Variants in SRGAP2 observed in about 807,000 individuals in gnomAD.
SRGAP2 encodes the protein SLIT-ROBO Rho GTPase activating protein 2.
SRGAP2 carries 15 observed loss-of-function variants against 57.2 expected under a neutral mutation model. The ratio of observed to expected loss-of-function variants is 0.26; its 90% CI spans 0.18 to 0.40. SRGAP2 has a LOEUF of 0.40. SRGAP2 is among the 10% of genes least tolerant of loss of function. The probability of loss-of-function intolerance (pLI) is 1.00; values close to 1 mark genes in which losing one functional copy is unlikely to be tolerated. For synonymous variants in SRGAP2, 249 were observed against 248.0 expected, an observed-to-expected ratio of 1.00 and a Z score of -0.04; for missense variants, 520 against 669.6, an observed-to-expected ratio of 0.78 and a Z score of 2.47.
intron 21 of SRGAP2, chr1:206,455,464 T>C: frequency 4.7e-6 from 1 of 213,686 alleles, no homozygotes; most frequent in Non-Finnish European, 9.5e-6. Flanking sequence ...ATTCAGAGTC[T>C]GTGTGTGGCT....
chr1:206,445,940 GTC>G (rs1392347235), intron 17 of SRGAP2, 133 bp from the exon 18 acceptor site: 2 of 634,104 alleles, frequency 3.2e-6, no homozygotes, highest in African/African-American at 3.6e-5. Context: ...TTTCTGGAAA[GTC>G]TCTGACACCC....
intron 19 of SRGAP2, among the ~76,000 whole-genome samples, chr1:206,451,822 G>A (rs1428259721): frequency 1.3e-5 from 2 of 152,216 alleles, no homozygotes; most frequent in Admixed American, 1.3e-4. Context: ...ACCCGAGGCT[G>A]TAGAGAACTA....
chr1:206,307,785 A>T (rs1223138038), intron 3 of SRGAP2, among the ~76,000 whole-genome samples: 22 of 151,996 alleles, frequency 1.4e-4, no homozygotes, highest in Non-Finnish European at 2.6e-4. Flanking sequence ...CCGGAACTCC[A>T]GCTGGCCCGC....
chr1:206,455,254 G>T, intron 21 of SRGAP2: 1 of 580,228 alleles, frequency 1.7e-6, no homozygotes, highest in Non-Finnish European at 3.1e-6. Flanking sequence ...TGCTGTGGAA[G>T]GGTGCTTTAC....
At chr1:206,226,399 C>T (rs1462085429) in intron 2 of SRGAP2, among the ~76,000 whole-genome samples, 1 of 151,986 alleles carries the variant, frequency 6.6e-6, no homozygotes, top group East Asian at 1.9e-4. Context: ...AGAGATTACC[C>T]ACAGTTGGCT....
At chr1:206,450,839 T>G (rs1663208522) in intron 19 of SRGAP2, among the ~76,000 whole-genome samples, 1 of 151,364 alleles carries the variant, frequency 6.6e-6, no homozygotes, top group African/African-American at 2.4e-5. Flanking sequence ...AGCAATTGGG[T>G]GTGGTGGCTC....
intron 2 of SRGAP2, among the ~76,000 whole-genome samples, chr1:206,210,891 GA>G (rs1553302317): frequency 6.6e-6 from 1 of 150,998 alleles, no homozygotes; most frequent in Non-Finnish European, 1.5e-5. Flanking sequence ...TTGCTCAGGG[GA>G]AAAAACAACA....
intron 2 of SRGAP2, among the ~76,000 whole-genome samples, chr1:206,241,124 C>T (rs1456756320): frequency 4.6e-5 from 7 of 152,158 alleles, no homozygotes; most frequent in Admixed American, 1.3e-4. Context: ...GTCGAGGCTA[C>T]GGTGAGCTGT....
At chr1:206,291,549 T>C (rs1671320860) in intron 2 of SRGAP2, among the ~76,000 whole-genome samples, 1 of 151,746 alleles carries the variant, frequency 6.6e-6, no homozygotes, top group Non-Finnish European at 1.5e-5. Context: ...TCCAAGTTTT[T>C]CTGAATGCGG....
chr1:206,439,884 G>T, intron 16 of SRGAP2, 92 bp from the exon 17 acceptor site: 2 of 708,518 alleles, frequency 2.8e-6, no homozygotes, highest in Middle Eastern at 2.9e-4. Context: ...GATGCTGTCC[G>T]TGTTGCCCCT....
intron 4 of SRGAP2, among the ~76,000 whole-genome samples, chr1:206,355,073 A>G (rs1676335542): frequency 6.6e-6 from 1 of 152,178 alleles, no homozygotes; most frequent in African/African-American, 2.4e-5. Flanking sequence ...TACCCAGGCC[A>G]TGTTAAAGAT....
chr1:206,458,590 T>A (rs1664021807), intron 21 of SRGAP2, 33 bp from the exon 22 acceptor site: 2 of 696,618 alleles, frequency 2.9e-6, no homozygotes, highest in East Asian at 5.2e-5. Context: ...CAGGGCTCCC[T>A]GATCACACTG....
At chr1:206,409,760 T>G (rs2103184038) in intron 10 of SRGAP2, among the ~76,000 whole-genome samples, 1 of 138,562 alleles carries the variant, frequency 7.2e-6, no homozygotes. Flanking sequence ...CCAGCCTGGG[T>G]GACAGAGTAA....
chr1:206,445,361 C>T (rs116040127), intron 17 of SRGAP2, among the ~76,000 whole-genome samples: 2,371 of 152,220 alleles, frequency 0.016, 68 homozygotes, highest in African/African-American at 0.054. Context: ...AATAAATACC[C>T]GAGAATGAAG....
chr1:206,452,371 T>C (rs1215496845), intron 19 of SRGAP2, among the ~76,000 whole-genome samples: 3 of 152,152 alleles, frequency 2.0e-5, no homozygotes, highest in African/African-American at 7.2e-5. Context: ...TTTCTCTTTA[T>C]AGAGAGACAG....
chr1:206,424,992 C>T (rs1345792108), intron 13 of SRGAP2, among the ~76,000 whole-genome samples: 3 of 152,240 alleles, frequency 2.0e-5, no homozygotes, highest in Non-Finnish European at 2.9e-5. Flanking sequence ...CTGGTAACCA[C>T]GGACATGCAG....
chr1:206,446,096 G>A lies in SRGAP2; in HGVS notation c.1896G>A (p.Glu632=). ...FLNHLSQFSE[E]NMMDPYNLAI... ...CCAGTTTATCACAGTTCAGTGAAGA[G>A]AACATGATGGACCCCTACAACCTCG... The change falls in exon 18 of 23, where the codon GAG becomes GAA. Residue 632 remains glutamate (E), a synonymous_variant. Transcript: ENST00000573034. The A allele has an allele frequency of 1.3e-6, 1 of 780,934 alleles. No homozygotes were observed. The allele number at this position is 780,934 out of a possible 1,614,324, so 48.4% of individuals were successfully genotyped here.
At position 206,452,182 on chromosome 1, in the gene SRGAP2, C is replaced by T. The variant is rs376727515; in HGVS notation, c.2180-1018C>T. The stretch of plus-strand genomic sequence containing the variant: ...TCATAACAACTTCATGAAAAAGACA[C>T]GATTATTAATCTCCATGTTACAGAT... On this transcript the variant is annotated intron_variant, in intron 19 of 22. Transcript: ENST00000573034. Among the ~76,000 whole-genome samples the T allele has an allele frequency of 8.5e-5, 13 of 152,242 alleles. No individual in the cohort carries two copies. The South Asian group carries it at 2.5e-3, about 29-fold the overall frequency.
At chr1:206,365,656 G>A (rs1653931175) in intron 4 of SRGAP2, among the ~76,000 whole-genome samples, 1 of 130,722 alleles carries the variant, frequency 7.6e-6, no homozygotes, top group Non-Finnish European at 1.6e-5. Context: ...GCCGGGGTAG[G>A]CGTACTGATG....
Sources: gnomAD v4.1 joint callset for allele counts (sites outside exome capture counted in the v4.1 genomes callset) on GRCh38, gnomAD v4.1.1 for gene constraint, MANE v1.5 for transcripts, NCBI Gene and HGNC (gene_info 2026-07-23, HGNC 2026-07-21) for gene names.